Variants in CAMK2B observed in about 807,000 individuals in gnomAD.
The protein encoded by CAMK2B is calcium/calmodulin-dependent protein kinase type II subunit beta.
CAMK2B carries 27 observed loss-of-function variants against 93.7 expected under a neutral mutation model. The ratio of observed to expected loss-of-function variants is 0.29; its 90% confidence interval spans 0.21 to 0.40. The LOEUF is 0.40. Among genes scored for constraint, CAMK2B ranks in the 10% least tolerant of loss-of-function variants. CAMK2B has a pLI of 1.00. For synonymous variants in CAMK2B, 374 were observed against 358.8 expected (o/e 1.04, Z -0.48); for missense variants, 568 against 895.8 (o/e 0.63, Z 4.67).
At chr7:44,324,747 C>T (rs1356299469) in intron 1 of CAMK2B, among the ~76,000 whole-genome samples, 5 of 152,200 alleles carry the variant, frequency 3.3e-5, no homozygotes, top group Non-Finnish European at 2.9e-5. Context: ...CCTCCCCACA[C>T]CTCCAAATTC....
At chr7:44,298,140 A>G (rs1275706051) in intron 1 of CAMK2B, among the ~76,000 whole-genome samples, 1 of 152,184 alleles carries the variant, frequency 6.6e-6, no homozygotes, top group African/African-American at 2.4e-5. Context: ...AAAACAAAAC[A>G]AAAAACCCAA....
chr7:44,294,855 G>GGTCCCAGGAAACAGCTGA (rs1339086887), intron 1 of CAMK2B, among the ~76,000 whole-genome samples: 1 of 152,158 alleles, frequency 6.6e-6, no homozygotes, highest in African/African-American at 2.4e-5. Context: ...AGGTCAGCTG[G>GGTCCCAGGAAACAGCTGA]GTCCCAGCAA....
intron 2 of CAMK2B, among the ~76,000 whole-genome samples, chr7:44,282,064 G>A (rs980515723): frequency 2.6e-5 from 4 of 152,160 alleles, no homozygotes; most frequent in African/African-American, 7.2e-5. Context: ...GCATGTGCAC[G>A]TAGACACGTG....
chr7:44,242,258 C>T lies in CAMK2B; in HGVS notation c.779G>A (p.Arg260His). 6.2e-7 allele frequency: 1 copy of T among 1,614,026 alleles called. No individual in the cohort carries two copies. The highest frequency in any genetic ancestry group is 8.5e-7 in the Non-Finnish European group (1 of 1,179,910). ...NQMLTINPAK[R>H]ITAHEALKHP... ...CTTCAGGGCCTCATGGGCTGTGATG[C>T]GCTTGGCAGGGTTGATGGTCAGCAT... The change falls in exon 10 of 24, where the codon CGC becomes CAC. Residue 260 changes from arginine (R) to histidine (H), a missense_variant. Transcript: ENST00000395749.
chr7:44,293,549 C>T (rs1258515315), intron 1 of CAMK2B, among the ~76,000 whole-genome samples: 1 of 152,124 alleles, frequency 6.6e-6, no homozygotes, highest in Non-Finnish European at 1.5e-5. Context: ...TTATGGAAGG[C>T]AATTTTTCCA....
chr7:44,276,380 A>G (rs939889282), intron 2 of CAMK2B, among the ~76,000 whole-genome samples: 2 of 152,188 alleles, frequency 1.3e-5, no homozygotes, highest in African/African-American at 4.8e-5. Flanking sequence ...CGGGAGCCAC[A>G]AGAAAACTGC....
chr7:44,306,166 G>A (rs937691189), intron 1 of CAMK2B, among the ~76,000 whole-genome samples: 10 of 151,710 alleles, frequency 6.6e-5, no homozygotes, highest in Non-Finnish European at 1.2e-4. Flanking sequence ...TCTTCCTGAG[G>A]AGAGGGCTCA....
At position 44,243,492 on chromosome 7, in the gene CAMK2B, C is replaced by A. The variant is rs2096701677; in HGVS notation, c.450G>T (p.Gly150=). The part of the protein sequence containing the change: ...ENLLLASKCK[G]AAVKLADFGL... ...CGAAGTCTGCCAGCTTCACTGCAGC[C>A]CCTTTGCACTTGCTGGCCAGAAGCA... The change falls in exon 7 of 24, where the codon GGG becomes GGT. Residue 150 remains glycine (G), a synonymous_variant. Coordinates refer to ENST00000395749, the MANE Select transcript of CAMK2B (RefSeq NM_001220.5). 6.2e-7 allele frequency: 1 copy of A among 1,614,066 alleles called. No individual in the cohort carries two copies. Among genetic ancestry groups the A allele is most frequent in the East Asian group, 2.2e-5 (1 of 44,886 alleles).
chr7:44,241,332 C>T (rs2096676366), intron 11 of CAMK2B, among the ~76,000 whole-genome samples: 1 of 152,190 alleles, frequency 6.6e-6, no homozygotes, highest in African/African-American at 2.4e-5. Context: ...GCTCTCCTTA[C>T]CAAACCTGTC....
chr7:44,223,799 A>G (rs971371052), intron 20 of CAMK2B, among the ~76,000 whole-genome samples: 2 of 151,968 alleles, frequency 1.3e-5, no homozygotes, highest in Non-Finnish European at 2.9e-5. Flanking sequence ...CCCTCCTTGC[A>G]TCAAGAGAGA....
At chr7:44,262,191 C>T (rs1247539597) in intron 3 of CAMK2B, among the ~76,000 whole-genome samples, 1 of 152,220 alleles carries the variant, frequency 6.6e-6, no homozygotes, top group Non-Finnish European at 1.5e-5. Flanking sequence ...CTCCCGGTCC[C>T]CAGCTGTTCC....
intron 2 of CAMK2B, among the ~76,000 whole-genome samples, chr7:44,264,274 T>G (rs1171366269): frequency 6.6e-6 from 1 of 152,220 alleles, no homozygotes; most frequent in Non-Finnish European, 1.5e-5. Context: ...TCCCCGTGCT[T>G]GGCAGAAACT....
At chr7:44,220,011 A>G (rs1583674470) in intron 23 of CAMK2B, 49 bp downstream of exon 23, 3 of 1,452,574 alleles carry the variant, frequency 2.1e-6, no homozygotes, top group Middle Eastern at 1.9e-4. Flanking sequence ...AGCCACTCAC[A>G]CCACCGCCAC....
In CAMK2B at chr7:44,222,768, T is replaced by A. The variant is rs150543795; in HGVS notation, c.1598-1867A>T. On this transcript the variant is annotated intron_variant, in intron 20 of 23. Transcript: ENST00000395749. ...CAGAAGAGGGAATTCTCAGCACGCC[T>A]GGTGGTGGGGTTGCCTTTATCTCTC... 7.9e-5 allele frequency among the ~76,000 whole-genome samples: 12 copies of A among 152,310 alleles called. No homozygotes were observed. In the East Asian group the frequency reaches 2.3e-3, roughly 29 times the overall value.
intron 2 of CAMK2B, among the ~76,000 whole-genome samples, chr7:44,281,625 A>T (rs993342811): frequency 1.3e-5 from 2 of 152,094 alleles, no homozygotes; most frequent in African/African-American, 4.8e-5. Flanking sequence ...TCCCGGCGAC[A>T]TCTGCCCCCC....
intron 2 of CAMK2B, among the ~76,000 whole-genome samples, chr7:44,269,594 C>T (rs1181871884): frequency 6.6e-6 from 1 of 152,120 alleles, no homozygotes; most frequent in Non-Finnish European, 1.5e-5. Flanking sequence ...ATAAGGGGAA[C>T]AGGAGGGCGT....
At chr7:44,253,921 T>A (rs976055820) in intron 5 of CAMK2B, among the ~76,000 whole-genome samples, 10 of 150,254 alleles carry the variant, frequency 6.7e-5, no homozygotes, top group African/African-American at 2.0e-4. Flanking sequence ...TTTTTTTTTT[T>A]AAATACACAT....
intron 1 of CAMK2B, among the ~76,000 whole-genome samples, chr7:44,322,505 T>C (rs1245994762): frequency 6.6e-6 from 1 of 152,248 alleles, no homozygotes; most frequent in Non-Finnish European, 1.5e-5. Context: ...TCTGGATTTT[T>C]AAAGTTTATC....
intron 2 of CAMK2B, among the ~76,000 whole-genome samples, chr7:44,270,510 G>A (rs1462647745): frequency 6.6e-6 from 1 of 152,248 alleles, no homozygotes; most frequent in Non-Finnish European, 1.5e-5. Context: ...CTGTCTGGCT[G>A]AAGGTGCTGT....
Sources: allele counts gnomAD v4.1 joint callset (sites outside exome capture counted in the v4.1 genomes callset), GRCh38; gene constraint gnomAD v4.1.1; transcripts MANE v1.5; gene names NCBI Gene and HGNC (gene_info 2026-07-23, HGNC 2026-07-21).